The following FAM171A2 variants were observed in gnomAD, a reference collection of about 807,000 sequenced individuals.
The protein encoded by FAM171A2 is protein FAM171A2.
Under a neutral mutation model 34.2 loss-of-function variants are expected in FAM171A2, and 13 were observed. That is an observed-to-expected ratio of 0.38 (90% CI 0.25 to 0.60). The LOEUF (loss-of-function observed/expected upper bound fraction) is 0.60, where lower values mean the gene tolerates loss of function less well. Ranked by LOEUF, FAM171A2 falls within the 20% of genes least tolerant of loss-of-function variation. FAM171A2 has a pLI of 0.62. For missense variants in FAM171A2, 950 were observed against 1,180.7 expected (o/e 0.80, Z 2.86); for synonymous variants, 475 against 561.2 (o/e 0.85, Z 2.17).
rs1347003441 is a variant in FAM171A2 at position 44,355,011 on chromosome 17, G to T, written c.1203C>A (p.Ala401=). Reference sequence around the variant, plus strand: ...AGGCCAAGTCCCGGGAGCTGGAGAAGGCCGAGTGGAGGGGGCCTGGAGGCG... The same window carrying T: ...AGGCCAAGTCCCGGGAGCTGGAGAATGCCGAGTGGAGGGGGCCTGGAGGCG... The part of the protein sequence containing the change: ...EAPPPGPLHS[A]FSSSRDLASS... The change falls in exon 8 of 8, where the codon GCC becomes GCA. Residue 401 remains alanine (A), a synonymous_variant. Transcript: ENST00000293443. The surrounding 1 kb of genome is among the most constrained non-coding windows in gnomAD (Gnocchi z 4.1). The T allele has an allele frequency of 4.0e-6, 6 of 1,516,160 alleles. No individual in the cohort carries two copies. The highest frequency in any genetic ancestry group is 5.3e-6 in the Non-Finnish European group (6 of 1,132,600). 93.9% of individuals were successfully genotyped at this position (1,516,160 alleles called of 1,614,324 possible).
In FAM171A2 at chr17:44,355,115, G is replaced by C. The variant is rs1470533268; in HGVS notation, c.1099C>G (p.Gln367Glu). Residue 367 changes from glutamine to glutamate, a missense_variant, in exon 8 of 8, where the codon CAG becomes GAG. Around this residue, in one of 3 missense-constraint regions of FAM171A2, gnomAD observed 752 missense variants for 924.5 expected, o/e 0.81. Coordinates refer to ENST00000293443, the MANE Select transcript of FAM171A2 (RefSeq NM_198475.3). This position sits in a 1 kb window ranked among gnomAD's most constrained non-coding sequence, Gnocchi z 4.1. Reference protein sequence around the residue: ...SGPSDGNKRDQATSMSQLHLI... With the variant: ...SGPSDGNKRDEATSMSQLHLI... The stretch of plus-strand genomic sequence containing the variant: ...TGGAGCTGGGACATCGAGGTGGCCT[G>C]GTCTCGTTTGTTACCGTCAGAGGGC... 1.3e-6 allele frequency: 2 copies of C among 1,551,046 alleles called. No individual in the cohort carries two copies. Among genetic ancestry groups the C allele is most frequent in the Non-Finnish European group, 1.7e-6 (2 of 1,146,946 alleles).
chr17:44,361,930 G>C (rs546398099), intron 1 of FAM171A2, among the ~76,000 whole-genome samples: 6 of 152,128 alleles, frequency 3.9e-5, no homozygotes, highest in Non-Finnish European at 5.9e-5. Context: ...CCTCCATCCC[G>C]GGCTTAGGAA....
chr17:44,359,712 C>T, intron 2 of FAM171A2, 41 bp from the exon 3 acceptor site: 1 of 1,500,986 alleles, frequency 6.7e-7, no homozygotes, highest in Non-Finnish European at 9.0e-7. Flanking sequence ...AAAACCCACC[C>T]CCTACCCCCC....
At chr17:44,361,073 G>A (rs542967497) in intron 1 of FAM171A2, among the ~76,000 whole-genome samples, 41 of 152,208 alleles carry the variant, frequency 2.7e-4, no homozygotes, top group Non-Finnish European at 5.0e-4. Context: ...TATTGTGGAG[G>A]GGGCTGGGGA....
At chr17:44,357,730 C>CGTTGTGTGTGTGTGTGTGTGT (rs1555611965) in intron 3 of FAM171A2, among the ~76,000 whole-genome samples, 3 of 143,268 alleles carry the variant, frequency 2.1e-5, no homozygotes, top group Non-Finnish European at 3.0e-5. Flanking sequence ...CAGTTTAGGT[C>CGTTGTGTGTGTGTGTGTGTGT]GTGTGTGTGT....
chr17:44,359,231 C>G (rs1002409382), intron 3 of FAM171A2: 11 of 236,706 alleles, frequency 4.6e-5, no homozygotes, highest in Middle Eastern at 1.6e-3. Flanking sequence ...CCTTGCACTT[C>G]CTGTGCACCT....
intron 3 of FAM171A2, among the ~76,000 whole-genome samples, chr17:44,358,637 G>A (rs2048435273): frequency 6.6e-6 from 1 of 152,078 alleles, no homozygotes; most frequent in Non-Finnish European, 1.5e-5. Flanking sequence ...GTTGCAGTGA[G>A]CCGAGGTTAT....
At position 44,358,010 on chromosome 17, in the gene FAM171A2, G is replaced by C. The variant is rs11658144; in HGVS notation, c.440-1422C>G. ...AGCCCGGATAGAAGCCCAGGCCATC[G>C]GGCTCCAGGCCCATCCTCTGCCATG... On this transcript the variant is annotated intron_variant, in intron 3 of 7. Coordinates refer to ENST00000293443, the MANE Select transcript of FAM171A2 (RefSeq NM_198475.3). 7.8e-3 allele frequency among the ~76,000 whole-genome samples: 1,192 copies of C among 152,266 alleles called. 5 individuals carry two copies. Among genetic ancestry groups the C allele is most frequent in the Non-Finnish European group, 0.013 (910 of 68,020 alleles).
rs1488416362 is a variant in FAM171A2 at position 44,354,906 on chromosome 17, G to T, written c.1308C>A (p.Gly436=). Residue 436 remains glycine (G), a synonymous_variant, in exon 8 of 8, where the codon GGC becomes GGA. Coordinates refer to ENST00000293443, the MANE Select transcript of FAM171A2 (RefSeq NM_198475.3). This position sits in a 1 kb window ranked among gnomAD's most constrained non-coding sequence, Gnocchi z 5.8. ...GAGCGCCCTTGAGCCCGGCGCTCTC[G>T]CCCCCGCGGGCACCCGAAGGCTCGG... The part of the protein sequence containing the change: ...PAAEPSGARG[G]ESAGLKGARS... 1.4e-6 allele frequency: 2 copies of T among 1,397,970 alleles called. No individual in the cohort carries two copies. Among genetic ancestry groups the T allele is most frequent in the East Asian group, 6.0e-5 (2 of 33,470 alleles). 86.6% of individuals were successfully genotyped at this position (1,397,970 alleles called of 1,614,324 possible).
At position 44,359,883 on chromosome 17, in the gene FAM171A2, C is replaced by T. The variant is rs537020073; in HGVS notation, c.346+22G>A. The T allele has an allele frequency of 4.6e-6, 7 of 1,511,058 alleles. No homozygotes were observed. The East Asian group carries it at 9.9e-5, about 21-fold the overall frequency. 93.6% of individuals were successfully genotyped at this position (1,511,058 alleles called of 1,614,324 possible). A position where few individuals can be genotyped will look rare whatever the true frequency, so the allele number is the denominator to read the frequency against. On this transcript the variant is annotated intron_variant, in intron 2 of 7. Transcript: ENST00000293443. ...TGGAGGGTCAGCTGCTGTCCCCCCCCTCCACCTGCCCCTGCACTCACAGGG... is the reference window on the plus strand; with the variant it reads ...TGGAGGGTCAGCTGCTGTCCCCCCCTTCCACCTGCCCCTGCACTCACAGGG...
At chr17:44,359,724 GCCAGGCACC>G in intron 2 of FAM171A2, 53 bp from the exon 3 acceptor site, 1 of 1,300,328 alleles carries the variant, frequency 7.7e-7, no homozygotes, top group Non-Finnish European at 1.0e-6. Context: ...CTACCCCCCA[GCCAGGCACC>G]CCCTCCATCT....
rs985670101 is a variant in FAM171A2, at chr17:44,355,262, G to C, written c.1023-71C>G. 2.0e-5 allele frequency: 31 copies of C among 1,519,898 alleles called. No homozygotes were observed. The highest frequency in any genetic ancestry group is 2.6e-5 in the Non-Finnish European group (30 of 1,136,348). 94.2% of individuals were successfully genotyped at this position (1,519,898 alleles called of 1,614,324 possible). ...CCAAAGTAGGCCCCGAACCCCCTTA[G>C]ATGCAAGACAAGAGACGAATATAGT... On this transcript the variant is annotated intron_variant, in intron 7 of 7. Transcript: ENST00000293443. The surrounding 1 kb of genome is among the most constrained non-coding windows in gnomAD (Gnocchi z 4.1).
chr17:44,356,673 G>A (rs2048425640), intron 3 of FAM171A2, 85 bp from the exon 4 acceptor site: 3 of 1,418,636 alleles, frequency 2.1e-6, no homozygotes. Context: ...CTAAGGAAAA[G>A]GGGGACATGA....
At chr17:44,359,366 C>T (rs1037502373) in intron 3 of FAM171A2, 1 of 570,348 alleles carries the variant, frequency 1.8e-6, no homozygotes, top group Non-Finnish European at 3.1e-6. Flanking sequence ...ATTTATTGAA[C>T]ACCTTCTGTA....
Position 44,355,475 on chromosome 17 carries a change from G to A in FAM171A2, c.1022+240C>T, listed in dbSNP as rs2048418433. Among the ~76,000 whole-genome samples the A allele has an allele frequency of 6.6e-6, 1 of 152,208 alleles. No homozygotes were observed. Among genetic ancestry groups the A allele is most frequent in the Admixed American group, 6.5e-5 (1 of 15,288 alleles). On this transcript the variant is annotated intron_variant, in intron 7 of 7. Transcript: ENST00000293443. The surrounding 1 kb of genome is among the most constrained non-coding windows in gnomAD (Gnocchi z 4.1). ...TGGAGTCCTCTGGGAGAGAGAGCTG[G>A]GCTGGTAGGGGCAGTGGCAGATCTC...
At chr17:44,361,508 AC>A (rs1247466055) in intron 1 of FAM171A2, among the ~76,000 whole-genome samples, 1 of 151,976 alleles carries the variant, frequency 6.6e-6, no homozygotes, top group African/African-American at 2.4e-5. Flanking sequence ...GGAGCCTGAC[AC>A]TCAGCAGTGA....
chr17:44,360,238 G>A, intron 1 of FAM171A2, 106 bp from the exon 2 acceptor site: 1 of 949,340 alleles, frequency 1.1e-6, no homozygotes, highest in East Asian at 2.6e-5. Flanking sequence ...GAGTCTTTTG[G>A]GCTGAGGCTA....
At chr17:44,358,099 C>T (rs1163526839) in intron 3 of FAM171A2, among the ~76,000 whole-genome samples, 1 of 152,304 alleles carries the variant, frequency 6.6e-6, no homozygotes, top group East Asian at 1.9e-4. Context: ...TGGTCTCACT[C>T]AGCTCAGGGG....
rs1200875518 is a variant in FAM171A2 at position 44,355,012 on chromosome 17, G to A, written c.1202C>T (p.Ala401Val). Residue 401 changes from alanine to valine, a missense_variant, in exon 8 of 8, where the codon GCC (alanine) becomes GTC (valine). This residue lies in a region of FAM171A2 where 752 missense variants were observed against 924.5 expected (regional missense o/e 0.81). Coordinates refer to ENST00000293443, the MANE Select transcript of FAM171A2 (RefSeq NM_198475.3). The surrounding 1 kb of genome is among the most constrained non-coding windows in gnomAD (Gnocchi z 4.1). ...GGCCAAGTCCCGGGAGCTGGAGAAG[G>A]CCGAGTGGAGGGGGCCTGGAGGCGG... ...EAPPPGPLHS[A>V]FSSSRDLASS... 13 of 1,518,242 alleles carry A rather than the reference G, an allele frequency of 8.6e-6. No homozygotes were observed. Among genetic ancestry groups the A allele is most frequent in the African/African-American group, 1.4e-5 (1 of 71,906 alleles). The allele number at this position is 1,518,242 out of a possible 1,614,324, so 94.0% of individuals were successfully genotyped here.
Sources: allele counts gnomAD v4.1 joint callset (sites outside exome capture counted in the v4.1 genomes callset), GRCh38; gene constraint gnomAD v4.1.1; regional missense constraint gnomAD v4.1.1; non-coding constraint Gnocchi (gnomAD v3.1); transcripts MANE v1.5; gene names NCBI Gene and HGNC (gene_info 2026-07-23, HGNC 2026-07-21).